The following RGS20 variants were observed in gnomAD, a reference collection of about 807,000 sequenced individuals.
RGS20 encodes the protein regulator of G protein signaling 20, also known as gz-selective GTPase-activating protein.
RGS20 carries 30 observed loss-of-function variants against 33.6 expected under a neutral mutation model. The observed-to-expected ratio is 0.89, with a 90% confidence interval of 0.67 to 1.21. The LOEUF is 1.21. RGS20 is among the 50% of genes most tolerant of loss of function. The pLI, the probability that RGS20 is intolerant of heterozygous loss-of-function variation, is 0.00. For missense variants in RGS20, 472 were observed against 502.4 expected, an observed-to-expected ratio of 0.94 and a Z score of 0.58; for synonymous variants, 208 against 197.9, an observed-to-expected ratio of 1.05 and a Z score of -0.43.
intron 2 of RGS20, among the ~76,000 whole-genome samples, chr8:53,931,983 T>G (rs189952235): frequency 6.6e-6 from 1 of 152,344 alleles, no homozygotes; most frequent in East Asian, 1.9e-4. Flanking sequence ...CTTGCCTGTC[T>G]GTAAAGGATT....
At chr8:53,859,524 A>G (rs1404523264) in intron 1 of RGS20, among the ~76,000 whole-genome samples, 1 of 152,222 alleles carries the variant, frequency 6.6e-6, no homozygotes, top group Non-Finnish European at 1.5e-5. Context: ...AAATCAAGCC[A>G]GTCTTCACAA....
In RGS20 at chr8:53,946,572, C is replaced by T. The variant is rs770522478; in HGVS notation, c.660-93C>T. ...AGTAGAGGAAGAAATTCTATTAATA[C>T]TTGGGGATCTGAAGTTCTCTTTAAA... On this transcript the variant is annotated intron_variant, in intron 3 of 5. Coordinates refer to ENST00000297313, the MANE Select transcript of RGS20 (RefSeq NM_170587.4). The T allele has an allele frequency of 4.8e-6, 5 of 1,033,412 alleles. 1 individual carries two copies. The South Asian group carries it at 6.7e-5, about 14-fold the overall frequency. 64.0% of individuals were successfully genotyped at this position (1,033,412 alleles called of 1,614,324 possible).
At chr8:53,931,024 C>T (rs957796011) in intron 2 of RGS20, among the ~76,000 whole-genome samples, 5 of 152,104 alleles carry the variant, frequency 3.3e-5, no homozygotes, top group Admixed American at 1.3e-4. Flanking sequence ...TCACTTGAGC[C>T]TAGAGTTTCT....
intron 2 of RGS20, among the ~76,000 whole-genome samples, chr8:53,936,732 A>C (rs1258445371): frequency 1.3e-5 from 2 of 151,296 alleles, no homozygotes. Context: ...CTTTCTTCAC[A>C]GGAAAAAACT....
intron 2 of RGS20, among the ~76,000 whole-genome samples, chr8:53,895,495 A>G (rs1425797958): frequency 2.6e-5 from 4 of 152,200 alleles, no homozygotes; most frequent in Non-Finnish European, 5.9e-5. Context: ...TTACTACTTT[A>G]GAATCTGCGC....
intron 1 of RGS20, among the ~76,000 whole-genome samples, chr8:53,853,542 T>G (rs1463464996): frequency 6.6e-6 from 1 of 152,128 alleles, no homozygotes; most frequent in Non-Finnish European, 1.5e-5. Context: ...CTTCACTCAG[T>G]TTTTGCCTTT....
chr8:53,895,244 A>G (rs752739672), intron 2 of RGS20, among the ~76,000 whole-genome samples: 19 of 152,078 alleles, frequency 1.2e-4, no homozygotes, highest in Non-Finnish European at 2.5e-4. Context: ...AGGAGGTGAA[A>G]CAGAGGGGCT....
At chr8:53,954,416 C>T in intron 5 of RGS20, 106 bp downstream of exon 4, 2 of 740,966 alleles carry the variant, frequency 2.7e-6, no homozygotes, top group Non-Finnish European at 4.5e-6. Flanking sequence ...GTAATCCCAG[C>T]ACTTTGGGAG....
At chr8:53,909,532 C>T (rs1813295356) in intron 2 of RGS20, among the ~76,000 whole-genome samples, 1 of 149,402 alleles carries the variant, frequency 6.7e-6, no homozygotes. Flanking sequence ...GGGATTACAG[C>T]TGTGGGCCAC....
rs185381533 is a variant in RGS20, at chr8:53,957,190, G to T, written c.979-1080G>T. ...TGCCCAGGCTGGAGTGCAGTGGCAT[G>T]GTCTCGGCTCACTGCAACCTCTGCT... On this transcript the variant is annotated intron_variant, in intron 5 of 5. Coordinates refer to ENST00000297313, the MANE Select transcript of RGS20 (RefSeq NM_170587.4). Among the ~76,000 whole-genome samples the T allele has an allele frequency of 1.5e-3, 234 of 152,278 alleles. 1 individual carries two copies. Among genetic ancestry groups the T allele is most frequent in the African/African-American group, 5.3e-3 (222 of 41,568 alleles).
intron 2 of RGS20, among the ~76,000 whole-genome samples, chr8:53,916,342 A>C (rs1293680939): frequency 6.6e-6 from 1 of 151,984 alleles, no homozygotes; most frequent in Non-Finnish European, 1.5e-5. Context: ...TTTTGCAGAC[A>C]GTACTTAATT....
At position 53,879,378 on chromosome 8, in the gene RGS20, G is replaced by C. The variant is rs1435871455; in HGVS notation, c.286G>C (p.Glu96Gln). The change falls in exon 2 of 6, where the codon GAG (glutamate) becomes CAG (glutamine). Residue 96 changes from glutamate (E) to glutamine (Q), a missense_variant. Physicochemically the swap from Glu to Gln is conservative, Grantham distance 29. This residue lies in a region of RGS20 where 319 missense variants were observed against 283.4 expected (regional missense o/e 1.13). Coordinates refer to ENST00000297313, the MANE Select transcript of RGS20 (RefSeq NM_170587.4). ...TCACCTTCTCCGGCGACCCCCTCCC[G>C]AGGCTCCCCGGAGGCGCCTGGACTT... The C allele has an allele frequency of 4.3e-6, 7 of 1,610,906 alleles. No homozygotes were observed. The highest frequency in any genetic ancestry group is 1.1e-5 in the South Asian group (1 of 91,070).
intron 2 of RGS20, among the ~76,000 whole-genome samples, chr8:53,902,563 C>A (rs1294744052): frequency 6.6e-6 from 1 of 152,174 alleles, no homozygotes; most frequent in Non-Finnish European, 1.5e-5. Context: ...TTGGCATTTC[C>A]TTCATTATTT....
intron 2 of RGS20, among the ~76,000 whole-genome samples, chr8:53,935,672 G>C (rs1814109423): frequency 6.6e-6 from 1 of 152,108 alleles, no homozygotes; most frequent in Admixed American, 6.6e-5. Context: ...AATTCTACCA[G>C]AGGTACAAAG....
intron 2 of RGS20, among the ~76,000 whole-genome samples, chr8:53,889,408 CTCTCTTTTTTTTTTTTTTTTT>C (rs1438935698): frequency 3.4e-5 from 3 of 88,200 alleles, no homozygotes; most frequent in African/African-American, 1.5e-4. Flanking sequence ...TTCTCTCTCT[CTCTCTTTTTTTTTTTTTTTTT>C]TTTTTTTTTT....
At chr8:53,915,041 A>G (rs1397223089) in intron 2 of RGS20, among the ~76,000 whole-genome samples, 1 of 151,854 alleles carries the variant, frequency 6.6e-6, no homozygotes, top group Non-Finnish European at 1.5e-5. Context: ...GTTACTTGAG[A>G]GGCTGAGGCA....
intron 2 of RGS20, among the ~76,000 whole-genome samples, chr8:53,901,733 G>A (rs186250970): frequency 5.3e-5 from 8 of 152,180 alleles, no homozygotes; most frequent in South Asian, 2.1e-4. Context: ...CCTGTAGTCC[G>A]AGCTACTTGG....
chr8:53,954,578 C>T (rs990909719), intron 5 of RGS20, among the ~76,000 whole-genome samples: 2 of 151,826 alleles, frequency 1.3e-5, no homozygotes, highest in Non-Finnish European at 1.5e-5. Flanking sequence ...GCAGGAGAAT[C>T]GCTTGAACCT....
intron 2 of RGS20, among the ~76,000 whole-genome samples, chr8:53,892,197 A>C (rs1406662044): frequency 6.6e-6 from 1 of 152,216 alleles, no homozygotes; most frequent in African/African-American, 2.4e-5. Context: ...AGTTTCATCC[A>C]TGTCCCTACA....
Sources: gnomAD v4.1 joint callset for allele counts (sites outside exome capture counted in the v4.1 genomes callset) on GRCh38, gnomAD v4.1.1 for gene constraint, gnomAD v4.1.1 regional missense constraint, MANE v1.5 for transcripts, NCBI Gene and HGNC (gene_info 2026-07-23, HGNC 2026-07-21) for gene names.